ATP6V0A1: variants seen among roughly 807,000 people sequenced by gnomAD.
ATP6V0A1 encodes the protein V-type proton ATPase 116 kDa subunit a 1.
A neutral mutation model predicts 105.4 loss-of-function variants in ATP6V0A1; 43 were observed. That is an observed-to-expected ratio of 0.41 (90% CI 0.32 to 0.53). The LOEUF is 0.53. ATP6V0A1 is among the 20% of genes least tolerant of loss of function. The pLI is 0.30. For missense variants in ATP6V0A1, 676 were observed against 1,051.1 expected (o/e 0.64, Z 4.93); for synonymous variants, 362 against 372.8 (o/e 0.97, Z 0.33).
In ATP6V0A1 at chr17:42,502,355, A is replaced by G. The variant is rs113880991; in HGVS notation, c.2004+1051A>G. 6.3e-3 allele frequency among the ~76,000 whole-genome samples: 953 copies of G among 152,312 alleles called. 5 individuals are homozygous for G. The highest frequency in any genetic ancestry group is 0.011 in the Non-Finnish European group (751 of 68,034). ...CTGACATTGAGACATTTTCCTTTCA[A>G]ATGAGACTGTGATAACTTTCACTGA... On this transcript the variant is annotated intron_variant, in intron 17 of 21. Transcript: ENST00000343619.
chr17:42,513,265 T>C (rs892932926), intron 19 of ATP6V0A1, among the ~76,000 whole-genome samples: 24 of 151,950 alleles, frequency 1.6e-4, no homozygotes, highest in Middle Eastern at 3.2e-3. Context: ...GGTGAAATCA[T>C]GTAGGGAAAA....
chr17:42,517,129 C>G (rs925082227), intron 21 of ATP6V0A1, among the ~76,000 whole-genome samples: 3 of 152,076 alleles, frequency 2.0e-5, no homozygotes, highest in Non-Finnish European at 2.9e-5. Context: ...AAAATGCAAA[C>G]ATTAGCTGGG....
At position 42,509,242 on chromosome 17, in the gene ATP6V0A1, G is replaced by A. The variant is rs189572076; in HGVS notation, c.2130+653G>A. Among the ~76,000 whole-genome samples the A allele has an allele frequency of 1.1e-4, 17 of 152,158 alleles. No homozygotes were observed. In the East Asian group the frequency reaches 2.9e-3, roughly 26 times the overall value. ...TTATATCAGCCACATAGAGAATAAC[G>A]GAGACTGGAAAGCAAATTGGCTAAC... On this transcript the variant is annotated intron_variant, in intron 19 of 21. Coordinates refer to ENST00000343619, the MANE Select transcript of ATP6V0A1 (RefSeq NM_001130021.3).
At chr17:42,519,160 C>T (rs1403874064) in intron 21 of ATP6V0A1, 2 of 152,220 alleles carry the variant, frequency 1.3e-5, no homozygotes, top group Non-Finnish European at 2.9e-5. Context: ...TTGATGTGCC[C>T]CTCCCAGGCA....
At chr17:42,465,743 C>T (rs2086970764) in intron 2 of ATP6V0A1, among the ~76,000 whole-genome samples, 1 of 151,576 alleles carries the variant, frequency 6.6e-6, no homozygotes, top group African/African-American at 2.4e-5. Context: ...GTGGGTGGAT[C>T]ACCTGAGGTC....
In ATP6V0A1 at chr17:42,520,072, A is replaced by G. The variant is rs1302860986; in HGVS notation, c.2421-955A>G. 6 of 193,118 alleles carry G rather than the reference A, an allele frequency of 3.1e-5. No individual in the cohort carries two copies. The South Asian group carries it at 4.4e-4, about 14-fold the overall frequency. The allele number at this position is 193,118 out of a possible 1,614,324, so 12.0% of individuals were successfully genotyped here. A position where few individuals can be genotyped will look rare whatever the true frequency, so the allele number is the denominator to read the frequency against. On this transcript the variant is annotated intron_variant, in intron 21 of 21. Transcript: ENST00000343619. Reference sequence around the variant, plus strand: ...GTTCCTGAAGCTTTAAAGCGCCTCAAAGCCCTCACCCTGCACGTGACCTGT... The same window carrying G: ...GTTCCTGAAGCTTTAAAGCGCCTCAGAGCCCTCACCCTGCACGTGACCTGT...
At chr17:42,514,666 C>T (rs1375531818) in intron 21 of ATP6V0A1, among the ~76,000 whole-genome samples, 4 of 152,164 alleles carry the variant, frequency 2.6e-5, no homozygotes, top group Non-Finnish European at 5.9e-5. Flanking sequence ...CTCAGCCTTC[C>T]CTAGGCTCTA....
intron 13 of ATP6V0A1, 138 bp downstream of exon 13, chr17:42,495,326 C>G: frequency 1.0e-6 from 1 of 971,750 alleles, no homozygotes; most frequent in South Asian, 1.6e-5. Flanking sequence ...CTGTGAGTTG[C>G]TTTGTGATTT....
In ATP6V0A1 at chr17:42,501,295, A is replaced by G. The variant is rs2091647867; in HGVS notation, c.1995A>G (p.Arg665=). The G allele has an allele frequency of 6.2e-7, 1 of 1,613,332 alleles. No homozygotes were observed. The highest frequency in any genetic ancestry group is 8.5e-7 in the Non-Finnish European group (1 of 1,179,530). ...PLVLRRQYLR[R]KHLGTLNFGG... Reference sequence around the variant, plus strand: ...TCCTTCGCCGTCAGTATTTGAGGAGAAAGCATTTGGTAGGTGTATTTCTAT... The same window carrying G: ...TCCTTCGCCGTCAGTATTTGAGGAGGAAGCATTTGGTAGGTGTATTTCTAT... The change falls in exon 17 of 22, where the codon AGA becomes AGG. Residue 665 remains arginine (R), a synonymous_variant. Coordinates refer to ENST00000343619, the MANE Select transcript of ATP6V0A1 (RefSeq NM_001130021.3).
chr17:42,511,982 G>C (rs1455695527), intron 19 of ATP6V0A1, among the ~76,000 whole-genome samples: 2 of 152,138 alleles, frequency 1.3e-5, no homozygotes, highest in Non-Finnish European at 2.9e-5. Context: ...GTAACAACTG[G>C]GAGGTTAGGG....
At chr17:42,478,777 A>G (rs1351868042) in intron 7 of ATP6V0A1, 188 bp downstream of exon 7, 2 of 422,642 alleles carry the variant, frequency 4.7e-6, no homozygotes, top group Non-Finnish European at 7.7e-6. Flanking sequence ...TGGATGTATG[A>G]TGTATACATG....
At chr17:42,493,743 G>T (rs960848863) in intron 11 of ATP6V0A1, among the ~76,000 whole-genome samples, 4 of 152,096 alleles carry the variant, frequency 2.6e-5, no homozygotes, top group Admixed American at 2.6e-4. Context: ...GAGTCCAGGG[G>T]TTGCAGGCTG....
At chr17:42,494,829 G>T in intron 12 of ATP6V0A1, 1 of 542,362 alleles carries the variant, frequency 1.8e-6, no homozygotes, top group South Asian at 4.1e-5. Flanking sequence ...AGTAACTTTT[G>T]TGCCAACCTA....
At chr17:42,473,860 G>T (rs1381470193) in intron 5 of ATP6V0A1, among the ~76,000 whole-genome samples, 1 of 152,134 alleles carries the variant, frequency 6.6e-6, no homozygotes, top group African/African-American at 2.4e-5. Context: ...TTGGAAAAAT[G>T]ATATTTTAAA....
At chr17:42,489,014 C>CAAA (rs1177722638) in intron 10 of ATP6V0A1, among the ~76,000 whole-genome samples, 1 of 96,736 alleles carries the variant, frequency 1.0e-5, no homozygotes. Flanking sequence ...GACTCTGTCT[C>CAAA]AAAAAAAAAA....
At chr17:42,496,707 G>A (rs915591101) in intron 14 of ATP6V0A1, among the ~76,000 whole-genome samples, 1 of 152,112 alleles carries the variant, frequency 6.6e-6, no homozygotes, top group Non-Finnish European at 1.5e-5. Context: ...TGGGCACGGT[G>A]GCATATGCCT....
intron 10 of ATP6V0A1, among the ~76,000 whole-genome samples, chr17:42,489,885 GA>G (rs766996709): frequency 1.3e-5 from 2 of 152,202 alleles, no homozygotes; most frequent in Non-Finnish European, 2.9e-5. Flanking sequence ...GCAATGCTAT[GA>G]GATAGGCAGA....
chr17:42,511,519 AAG>A (rs2092343777), intron 19 of ATP6V0A1: 1 of 151,544 alleles, frequency 6.6e-6, no homozygotes, highest in South Asian at 2.1e-4. Flanking sequence ...GTCTTGAAAA[AAG>A]AAAAAAAAAA....
intron 17 of ATP6V0A1, among the ~76,000 whole-genome samples, chr17:42,506,031 G>A: frequency 6.6e-6 from 1 of 152,096 alleles, no homozygotes; most frequent in South Asian, 2.1e-4. Context: ...CAGGTGATCT[G>A]CCTGACTCGG....
Sources: gnomAD v4.1 joint callset for allele counts (sites outside exome capture counted in the v4.1 genomes callset) on GRCh38, gnomAD v4.1.1 for gene constraint, MANE v1.5 for transcripts, NCBI Gene and HGNC (gene_info 2026-07-23, HGNC 2026-07-21) for gene names.